The following PLEKHH2 variants were observed in gnomAD, a reference collection of about 807,000 sequenced individuals.
PLEKHH2 encodes pleckstrin homology domain-containing family H member 2.
A neutral mutation model predicts 187.9 loss-of-function variants in PLEKHH2; 129 were observed. The ratio of observed to expected loss-of-function variants is 0.69; its 90% CI spans 0.59 to 0.79. The LOEUF (loss-of-function observed/expected upper bound fraction) is 0.79, where lower values mean the gene tolerates loss of function less well. PLEKHH2 is among the 30% of genes least tolerant of loss of function. The pLI, the probability that PLEKHH2 is intolerant of heterozygous loss-of-function variation, is 0.00. For missense variants in PLEKHH2, 2,076 were observed against 1,751.2 expected (o/e 1.19, Z -3.31); for synonymous variants, 686 against 605.6 (o/e 1.13, Z -1.95).
chr2:43,765,514 G>A lies in PLEKHH2; in HGVS notation c.4398G>A (p.Gln1466=), dbSNP rs754073151. 1.2e-6 allele frequency: 2 copies of A among 1,613,978 alleles called. No individual in the cohort carries two copies. The highest frequency in any genetic ancestry group is 3.3e-5 in the Admixed American group (2 of 60,004). ...HLSAPALLSA[Q]TRGPQARMMG... Reference sequence around the variant, plus strand: ...CTGCTCCAGCACTGCTCTCAGCCCAGACCCGGGGACCCCAAGCCAGAATGA... The same window carrying A: ...CTGCTCCAGCACTGCTCTCAGCCCAAACCCGGGGACCCCAAGCCAGAATGA... Residue 1466 remains glutamine, a synonymous_variant, in exon 30 of 30, where the codon CAG becomes CAA. Coordinates refer to ENST00000282406, the MANE Select transcript of PLEKHH2 (RefSeq NM_172069.4).
chr2:43,736,589 T>G (rs2104583984), intron 19 of PLEKHH2, among the ~76,000 whole-genome samples: 1 of 152,084 alleles, frequency 6.6e-6, no homozygotes, highest in East Asian at 1.9e-4. Context: ...ACCCCAGCAC[T>G]TTGGGAGGCT....
At chr2:43,701,520 A>T (rs563104728) in intron 8 of PLEKHH2, among the ~76,000 whole-genome samples, 18 of 152,176 alleles carry the variant, frequency 1.2e-4, no homozygotes, top group Non-Finnish European at 1.8e-4. Context: ...CTGAACCGGG[A>T]CACTTAACTC....
intron 24 of PLEKHH2, among the ~76,000 whole-genome samples, chr2:43,747,067 C>T (rs1409146462): frequency 1.4e-5 from 2 of 143,138 alleles, no homozygotes; most frequent in African/African-American, 2.6e-5. Context: ...CTCAGTCTTT[C>T]ATTCTCATTT....
At chr2:43,675,748 A>G (rs1169932366) in intron 2 of PLEKHH2, 6 of 1,613,730 alleles carry the variant, frequency 3.7e-6, no homozygotes, top group African/African-American at 2.7e-5. Context: ...AAGTCTTTTC[A>G]TCAACTCTCT....
At chr2:43,705,059 T>G (rs1031385261) in intron 9 of PLEKHH2, among the ~76,000 whole-genome samples, 1 of 152,122 alleles carries the variant, frequency 6.6e-6, no homozygotes. Context: ...AAAATTCTTA[T>G]GGAAACAATG....
rs2104473926 is a variant in PLEKHH2, at chr2:43,695,958, T to A, written c.502+734T>A. The stretch of plus-strand genomic sequence containing the variant: ...TGAGGCACTTCCATGTGTTCTTAGA[T>A]GCCTGAGCTGGTGGTTACTTGCATG... On this transcript the variant is annotated intron_variant, in intron 6 of 29. Transcript: ENST00000282406. Among the ~76,000 whole-genome samples, 2 of 152,312 alleles carry A rather than the reference T, an allele frequency of 1.3e-5. 1 individual carries two copies. Among genetic ancestry groups the A allele is most frequent in the Admixed American group, 1.3e-4 (2 of 15,306 alleles).
intron 2 of PLEKHH2, among the ~76,000 whole-genome samples, chr2:43,651,969 G>C (rs892268616): frequency 6.6e-6 from 1 of 152,000 alleles, no homozygotes; most frequent in Non-Finnish European, 1.5e-5. Context: ...ATTTTTAGTG[G>C]TCTATTTATA....
At chr2:43,687,418 C>T (rs1469852332) in intron 3 of PLEKHH2, among the ~76,000 whole-genome samples, 1 of 152,120 alleles carries the variant, frequency 6.6e-6, no homozygotes, top group Non-Finnish European at 1.5e-5. Context: ...TGGTTGATTC[C>T]ATGTCTTTGC....
chr2:43,681,144 A>G (rs964539796), intron 3 of PLEKHH2: 7 of 757,572 alleles, frequency 9.2e-6, no homozygotes, highest in Admixed American at 8.7e-5. Context: ...GCCTCCTGCA[A>G]CACTCTAATG....
At chr2:43,720,771 G>A (rs757017856) in intron 16 of PLEKHH2, 22 bp downstream of exon 16, 3 of 1,586,026 alleles carry the variant, frequency 1.9e-6, no homozygotes, top group South Asian at 2.3e-5. Context: ...TTTTTAATAT[G>A]CCAATTGAAG....
chr2:43,756,000 C>CT (rs1404115782), intron 25 of PLEKHH2, among the ~76,000 whole-genome samples: 4 of 152,140 alleles, frequency 2.6e-5, no homozygotes, highest in Non-Finnish European at 5.9e-5. Flanking sequence ...TCTGTCATTC[C>CT]TTTTTTACAT....
intron 15 of PLEKHH2, among the ~76,000 whole-genome samples, chr2:43,716,788 C>G (rs549365742): frequency 1.5e-4 from 23 of 152,238 alleles, no homozygotes; most frequent in Non-Finnish European, 3.1e-4. Flanking sequence ...ATGGGCATTG[C>G]CAATGTATGT....
intron 14 of PLEKHH2, chr2:43,711,101 C>T: frequency 2.0e-6 from 2 of 985,902 alleles, no homozygotes; most frequent in Non-Finnish European, 2.4e-6. Context: ...ACACATAAGG[C>T]CAGTCTTGCC....
At chr2:43,679,504 T>G in intron 3 of PLEKHH2, 1 of 364,484 alleles carries the variant, frequency 2.7e-6, no homozygotes, top group Non-Finnish European at 5.3e-6. Flanking sequence ...CTTTTTTTTT[T>G]TTTTTTTTTG....
intron 20 of PLEKHH2, among the ~76,000 whole-genome samples, chr2:43,740,096 A>G (rs1433942801): frequency 3.3e-5 from 5 of 152,178 alleles, no homozygotes; most frequent in African/African-American, 7.2e-5. Flanking sequence ...AAAATTATAC[A>G]TAGGAAACAA....
intron 23 of PLEKHH2, chr2:43,744,215 G>A (rs1381737175): frequency 4.2e-6 from 4 of 957,422 alleles, no homozygotes; most frequent in Non-Finnish European, 5.5e-6. Flanking sequence ...GAGGAAAGGT[G>A]TTAGTAATGG....
chr2:43,758,968 G>T lies in PLEKHH2; in HGVS notation c.4010G>T (p.Arg1337Leu), dbSNP rs372835795. The T allele has an allele frequency of 6.2e-7, 1 of 1,612,484 alleles. No individual in the cohort carries two copies. The highest frequency in any genetic ancestry group is 8.5e-7 in the Non-Finnish European group (1 of 1,178,668). ...GGACACAGTGCTGCTGACTGTGTGC[G>T]CATTTATTTGACAGTAGCCAGGAAG... ...LRGHSAADCV[R>L]IYLTVARKWP... The change falls in exon 27 of 30, where the codon CGC becomes CTC. Residue 1337 changes from arginine to leucine, a missense_variant. Arg to Leu is a moderately radical substitution (Grantham distance 102). Coordinates refer to ENST00000282406, the MANE Select transcript of PLEKHH2 (RefSeq NM_172069.4).
chr2:43,639,486 C>T lies in PLEKHH2; in HGVS notation c.-4+2107C>T, dbSNP rs114290021. ...TACTTTCTGTCCTTTGGATTTGCCT[C>T]TTATGGACATTTCATGTAAATGGAC... is the stretch of plus-strand genomic sequence containing the variant. On this transcript the variant is annotated intron_variant, in intron 1 of 29. Coordinates refer to ENST00000282406, the MANE Select transcript of PLEKHH2 (RefSeq NM_172069.4). Among the ~76,000 whole-genome samples, 717 of 152,246 alleles carry T rather than the reference C, an allele frequency of 4.7e-3. 6 individuals are homozygous for T. The highest frequency in any genetic ancestry group is 0.017 in the African/African-American group (693 of 41,562).
At chr2:43,653,756 A>G (rs1666603994) in intron 2 of PLEKHH2, among the ~76,000 whole-genome samples, 1 of 152,220 alleles carries the variant, frequency 6.6e-6, no homozygotes, top group Non-Finnish European at 1.5e-5. Flanking sequence ...GACAATTTAC[A>G]CAGTGGTGGG....
Sources: allele counts gnomAD v4.1 joint callset (sites outside exome capture counted in the v4.1 genomes callset), GRCh38; gene constraint gnomAD v4.1.1; transcripts MANE v1.5; gene names NCBI Gene and HGNC (gene_info 2026-07-23, HGNC 2026-07-21).